GINS3: variants seen among roughly 807,000 people sequenced by gnomAD.
The protein encoded by GINS3 is DNA replication complex GINS protein PSF3.
Under a neutral mutation model 20.0 loss-of-function variants are expected in GINS3, and 18 were observed. The ratio of observed to expected loss-of-function variants is 0.90; its 90% CI spans 0.62 to 1.33. The LOEUF (loss-of-function observed/expected upper bound fraction) is 1.33, where lower values mean the gene tolerates loss of function less well. Ranked by LOEUF, GINS3 falls within the 40% of genes most tolerant of loss-of-function variation. The pLI, the probability that GINS3 is intolerant of heterozygous loss-of-function variation, is 0.00. For synonymous variants in GINS3, 109 were observed against 107.0 expected (o/e 1.02, Z -0.12); for missense variants, 254 against 273.6 (o/e 0.93, Z 0.51).
intron 1 of GINS3, among the ~76,000 whole-genome samples, chr16:58,396,094 C>A (rs1256002662): frequency 7.3e-6 from 1 of 136,886 alleles, no homozygotes; most frequent in African/African-American, 2.8e-5. Flanking sequence ...GGGGCTGACT[C>A]CCCCACCTCC....
rs1965933850 is a variant in GINS3 at position 58,400,007 on chromosome 16, C to T, written c.187-3091C>T. On this transcript the variant is annotated intron_variant, in intron 1 of 2. Coordinates refer to ENST00000318129, the MANE Select transcript of GINS3 (RefSeq NM_022770.4). Reference sequence around the variant, plus strand: ...ATATTCTTTTCATGACTTGTTTTTCCTTTCTGCATTTCTGTAGTTCTTTCT... The same window carrying T: ...ATATTCTTTTCATGACTTGTTTTTCTTTTCTGCATTTCTGTAGTTCTTTCT... 2.6e-5 allele frequency among the ~76,000 whole-genome samples: 4 copies of T among 151,982 alleles called. No homozygotes were observed. The South Asian group carries it at 8.3e-4, about 31-fold the overall frequency.
intron 1 of GINS3, chr16:58,395,241 A>G (rs907826067): frequency 2.6e-6 from 1 of 384,718 alleles, no homozygotes; most frequent in African/African-American, 2.2e-5. Context: ...ATGTCCAGCT[A>G]ATTTTTGTAT....
At chr16:58,396,868 G>A (rs1270958118) in intron 1 of GINS3, among the ~76,000 whole-genome samples, 1 of 144,990 alleles carries the variant, frequency 6.9e-6, no homozygotes, top group South Asian at 2.2e-4. Context: ...CTCCCGGACG[G>A]GGCGGCTGGC....
intron 1 of GINS3, among the ~76,000 whole-genome samples, chr16:58,398,829 A>C (rs1261146332): frequency 6.6e-6 from 1 of 152,192 alleles, no homozygotes; most frequent in Non-Finnish European, 1.5e-5. Context: ...CAGTCTTGAA[A>C]GTTGCTGAGA....
At position 58,403,260 on chromosome 16, in the gene GINS3, T is replaced by C. The variant is rs372804300; in HGVS notation, c.349T>C (p.Tyr117His). The change falls in exon 2 of 3, where the codon TAC (tyrosine) becomes CAC (histidine). Residue 117 changes from tyrosine (Y) to histidine (H), a missense_variant. Coordinates refer to ENST00000318129, the MANE Select transcript of GINS3 (RefSeq NM_022770.4). ...VDLHKMGPHF[Y>H]GFGSQLLHFD... ...CCTCCACAAAATGGGGCCCCATTTC[T>C]ACGGGTTTGGCTCCCAGCTCCTGCA... 5 of 1,614,054 alleles carry C rather than the reference T, an allele frequency of 3.1e-6. No individual in the cohort carries two copies. In the African/African-American group the frequency reaches 6.7e-5, roughly 22 times the overall value.
At position 58,404,483 on chromosome 16, in the gene GINS3, C is replaced by T. The variant is rs191178333; in HGVS notation, c.421-16C>T. ...GTGAGGTCAACCCTGACTTGTCTTA[C>T]TCCCTTGTTTCCCAGACTTTTATCG... On this transcript the variant is annotated splice_polypyrimidine_tract_variant and intron_variant, in intron 2 of 2. Coordinates refer to ENST00000318129, the MANE Select transcript of GINS3 (RefSeq NM_022770.4). The T allele has an allele frequency of 3.4e-5, 54 of 1,587,274 alleles. No homozygotes were observed. The highest frequency in any genetic ancestry group is 5.0e-5 in the Admixed American group (3 of 59,970).
intron 1 of GINS3, chr16:58,395,254 T>A (rs992014601): frequency 2.6e-6 from 1 of 388,064 alleles, no homozygotes; most frequent in African/African-American, 2.1e-5. Flanking sequence ...TTTTGTATTT[T>A]TTTTTTGTCT....
rs1450856876 is a variant in GINS3 at position 58,392,637 on chromosome 16, G to T, written c.36G>T (p.Ala12=). Residue 12 remains alanine (A), a synonymous_variant, in exon 1 of 3, where the codon GCG becomes GCT. Coordinates refer to ENST00000318129, the MANE Select transcript of GINS3 (RefSeq NM_022770.4). ...CTTATTTCCGAGTGGAGTCGGGTGCGCTGGGGCCTGAGGAGAACTTTCTTT... is the reference window on the plus strand; with the variant it reads ...CTTATTTCCGAGTGGAGTCGGGTGCTCTGGGGCCTGAGGAGAACTTTCTTT... The part of the protein sequence containing the change: ...SEAYFRVESG[A]LGPEENFLSL... 4 of 1,614,114 alleles carry T rather than the reference G, an allele frequency of 2.5e-6. No individual in the cohort carries two copies. The Admixed American group carries it at 5.0e-5, about 20-fold the overall frequency.
At chr16:58,395,955 G>C (rs578075677) in intron 1 of GINS3, among the ~76,000 whole-genome samples, 1 of 148,082 alleles carries the variant, frequency 6.8e-6, no homozygotes, top group African/African-American at 2.5e-5. Flanking sequence ...CTGGCTGGGC[G>C]GGGGGCTGGC....
chr16:58,393,375 G>T (rs1376385580), intron 1 of GINS3, among the ~76,000 whole-genome samples: 1 of 152,072 alleles, frequency 6.6e-6, no homozygotes, highest in Non-Finnish European at 1.5e-5. Context: ...TGGTGAGCTG[G>T]GATTCGGAAC....
At chr16:58,401,100 T>C (rs998961706) in intron 1 of GINS3, among the ~76,000 whole-genome samples, 1 of 152,092 alleles carries the variant, frequency 6.6e-6, no homozygotes, top group Admixed American at 6.6e-5. Context: ...CTGGAATTGG[T>C]TCCTTCAGGT....
chr16:58,397,554 C>T (rs140920702), intron 1 of GINS3, among the ~76,000 whole-genome samples: 2,951 of 152,238 alleles, frequency 0.019, 31 homozygotes, highest in Admixed American at 0.027. Context: ...TCTGCCATCC[C>T]GGCACCTCGG....
At chr16:58,393,890 T>C (rs1201304453) in intron 1 of GINS3, among the ~76,000 whole-genome samples, 1 of 151,138 alleles carries the variant, frequency 6.6e-6, no homozygotes, top group African/African-American at 2.4e-5. Flanking sequence ...AAATAGCAGG[T>C]CCTGCCTTCC....
At chr16:58,403,498 C>T in intron 2 of GINS3, 167 bp downstream of exon 2, 17 of 546,700 alleles carry the variant, frequency 3.1e-5, no homozygotes, top group Middle Eastern at 4.9e-4. Flanking sequence ...CATATATACA[C>T]ACACACACAC....
chr16:58,392,515 G>A lies in GINS3; in HGVS notation c.-87G>A. 6.9e-7 allele frequency: 1 copy of A among 1,446,672 alleles called. No individual in the cohort carries two copies. The highest frequency in any genetic ancestry group is 9.5e-7 in the Non-Finnish European group (1 of 1,053,868). 89.6% of individuals were successfully genotyped at this position (1,446,672 alleles called of 1,614,324 possible). ...TTCCTGACCCCAACCATCCTGCCCA[G>A]TCTCCGCTTCCCCGTCTTGTACACC... On this transcript the variant is annotated 5_prime_UTR_variant, in exon 1 of 3. Coordinates refer to ENST00000318129, the MANE Select transcript of GINS3 (RefSeq NM_022770.4).
chr16:58,394,509 G>C (rs1422784134), intron 1 of GINS3, among the ~76,000 whole-genome samples: 4 of 152,000 alleles, frequency 2.6e-5, no homozygotes, highest in African/African-American at 9.7e-5. Context: ...ACCACACCCA[G>C]CCAATTTTTG....
Position 58,404,739 on chromosome 16 carries a change from G to T in GINS3, c.*10G>T. ...TGATATGGAAGACTGAAAGCCGGAA[G>T]AACACAGAATGGCTCCTCACAGACG... On this transcript the variant is annotated 3_prime_UTR_variant, in exon 3 of 3. Coordinates refer to ENST00000318129, the MANE Select transcript of GINS3 (RefSeq NM_022770.4). 6.3e-7 allele frequency: 1 copy of T among 1,599,514 alleles called. No individual in the cohort carries two copies. Among genetic ancestry groups the T allele is most frequent in the South Asian group, 1.1e-5 (1 of 90,260 alleles).
chr16:58,392,944 G>T, intron 1 of GINS3, 157 bp downstream of exon 1: 1 of 745,226 alleles, frequency 1.3e-6, no homozygotes, highest in Non-Finnish European at 2.1e-6. Flanking sequence ...AAACTCCGCG[G>T]GGGTCCCTTC....
At chr16:58,400,859 G>A (rs1965944548) in intron 1 of GINS3, among the ~76,000 whole-genome samples, 2 of 149,498 alleles carry the variant, frequency 1.3e-5, no homozygotes. Context: ...CTGTCGCCCA[G>A]GCTGGAGTAC....
Sources: gnomAD v4.1 joint callset for allele counts (sites outside exome capture counted in the v4.1 genomes callset) on GRCh38, gnomAD v4.1.1 for gene constraint, MANE v1.5 for transcripts, NCBI Gene and HGNC (gene_info 2026-07-23, HGNC 2026-07-21) for gene names.